Variants in PPP2R2B observed in about 807,000 individuals in gnomAD.
PPP2R2B encodes the protein protein phosphatase 2 regulatory subunit Bbeta.
A neutral mutation model predicts 46.0 loss-of-function variants in PPP2R2B; 5 were observed. The observed-to-expected ratio is 0.11, with a 90% confidence interval of 0.06 to 0.23. The LOEUF (loss-of-function observed/expected upper bound fraction) is 0.23, where lower values mean the gene tolerates loss of function less well. Ranked by LOEUF, PPP2R2B falls within the 10% of genes least tolerant of loss-of-function variation. PPP2R2B has a pLI of 1.00. For missense variants in PPP2R2B, 367 were observed against 575.0 expected, an observed-to-expected ratio of 0.64 and a Z score of 3.70; for synonymous variants, 215 against 206.7, an observed-to-expected ratio of 1.04 and a Z score of -0.34.
intron 5 of PPP2R2B, among the ~76,000 whole-genome samples, chr5:146,678,103 T>A (rs1012950715): frequency 6.6e-6 from 1 of 152,136 alleles, no homozygotes; most frequent in Non-Finnish European, 1.5e-5. Context: ...GGAGGCCAGG[T>A]AACATGGTGG....
At chr5:147,048,863 G>A (rs2151901261) in intron 1 of PPP2R2B, among the ~76,000 whole-genome samples, 1 of 152,188 alleles carries the variant, frequency 6.6e-6, no homozygotes. Context: ...TTAATATGTG[G>A]GAGAAACTGT....
At chr5:146,621,557 T>C (rs574899259) in intron 7 of PPP2R2B, among the ~76,000 whole-genome samples, 1 of 152,274 alleles carries the variant, frequency 6.6e-6, no homozygotes, top group Non-Finnish European at 1.5e-5. Flanking sequence ...AACCGCTGGT[T>C]TGGGCTTCAT....
At chr5:146,837,120 G>T (rs1007756173) in intron 2 of PPP2R2B, among the ~76,000 whole-genome samples, 3 of 152,174 alleles carry the variant, frequency 2.0e-5, no homozygotes, top group African/African-American at 7.2e-5. Flanking sequence ...TCAACTTTAC[G>T]ATGATGCAAA....
At chr5:146,774,543 G>A (rs1024135749) in intron 2 of PPP2R2B, among the ~76,000 whole-genome samples, 1 of 152,048 alleles carries the variant, frequency 6.6e-6, no homozygotes, top group Non-Finnish European at 1.5e-5. Context: ...AAGGCTGGGT[G>A]TGGTGACTCA....
At position 147,020,203 on chromosome 5, in the gene PPP2R2B, C is replaced by G. The variant is rs1313667707; in HGVS notation, c.79+35462G>C. ...AATAAATCCTGTGACACATTCAATTCCCTCTTGGTATTTGATCCTGGAGAA... is the reference window on the plus strand; with the variant it reads ...AATAAATCCTGTGACACATTCAATTGCCTCTTGGTATTTGATCCTGGAGAA... On this transcript the variant is annotated intron_variant, in intron 1 of 8. Coordinates refer to the PPP2R2B transcript ENST00000336640. Among the ~76,000 whole-genome samples the G allele has an allele frequency of 2.0e-5, 3 of 152,144 alleles. No individual in the cohort carries two copies. In the Middle Eastern group the frequency reaches 0.01, roughly 517 times the overall value.
At chr5:146,813,265 C>T (rs990653779) in intron 2 of PPP2R2B, among the ~76,000 whole-genome samples, 44 of 151,928 alleles carry the variant, frequency 2.9e-4, no homozygotes, top group African/African-American at 1.1e-3. Context: ...CACACAAACA[C>T]ACATACCTCA....
chr5:146,936,611 C>T (rs1352709716), intron 1 of PPP2R2B, among the ~76,000 whole-genome samples: 3 of 149,028 alleles, frequency 2.0e-5, no homozygotes, highest in African/African-American at 7.4e-5. Flanking sequence ...AACAGAACCT[C>T]TCTGTACAGA....
intron 2 of PPP2R2B, among the ~76,000 whole-genome samples, chr5:146,797,160 T>C (rs1756590820): frequency 6.6e-6 from 1 of 152,188 alleles, no homozygotes; most frequent in Admixed American, 6.5e-5. Context: ...TACATACCCC[T>C]TTTCAGCTAT....
chr5:147,008,954 C>T (rs576098829), intron 1 of PPP2R2B, among the ~76,000 whole-genome samples: 1 of 152,264 alleles, frequency 6.6e-6, no homozygotes, highest in Non-Finnish European at 1.5e-5. Context: ...CCTTAGATTG[C>T]ACCGTTTGGG....
intron 7 of PPP2R2B, among the ~76,000 whole-genome samples, chr5:146,615,224 C>A (rs1463648341): frequency 6.2e-5 from 4 of 64,900 alleles, no homozygotes; most frequent in Non-Finnish European, 2.8e-5. Flanking sequence ...AAATTGGAAA[C>A]CATCATTCTC....
At chr5:146,933,044 C>T (rs913680705) in intron 1 of PPP2R2B, among the ~76,000 whole-genome samples, 12 of 152,184 alleles carry the variant, frequency 7.9e-5, no homozygotes, top group Non-Finnish European at 1.6e-4. Context: ...GGAATTATAT[C>T]ATATGCTGTT....
At chr5:146,908,690 A>C (rs1763081912) in intron 1 of PPP2R2B, among the ~76,000 whole-genome samples, 1 of 151,998 alleles carries the variant, frequency 6.6e-6, no homozygotes, top group South Asian at 2.1e-4. Flanking sequence ...AACTTCCCAA[A>C]GGCCCTACAC....
intron 2 of PPP2R2B, among the ~76,000 whole-genome samples, chr5:146,877,045 T>C (rs1761935014): frequency 6.6e-6 from 1 of 152,236 alleles, no homozygotes; most frequent in Non-Finnish European, 1.5e-5. Context: ...GATATTACAA[T>C]GTGATAATGC....
intron 6 of PPP2R2B, among the ~76,000 whole-genome samples, chr5:146,640,075 G>A (rs1231607952): frequency 6.6e-6 from 1 of 152,268 alleles, no homozygotes; most frequent in African/African-American, 2.4e-5. Context: ...TTTTAGTCCC[G>A]CTAGCACTAA....
At chr5:146,995,854 A>T (rs1457866206) in intron 1 of PPP2R2B, among the ~76,000 whole-genome samples, 1 of 152,228 alleles carries the variant, frequency 6.6e-6, no homozygotes, top group Non-Finnish European at 1.5e-5. Context: ...TAGAGGTAGC[A>T]GGAATAATTT....
chr5:146,918,583 T>G (rs758031158), intron 1 of PPP2R2B, among the ~76,000 whole-genome samples: 28 of 152,258 alleles, frequency 1.8e-4, no homozygotes, highest in Non-Finnish European at 3.2e-4. Context: ...ACATAGTTTA[T>G]GAGACTCTCT....
intron 2 of PPP2R2B, among the ~76,000 whole-genome samples, chr5:146,835,755 T>A (rs1395410494): frequency 2.6e-5 from 4 of 152,140 alleles, no homozygotes; most frequent in Non-Finnish European, 4.4e-5. Flanking sequence ...TGTACAGATA[T>A]CGGTAAAGGA....
chr5:146,981,527 T>G (rs1582541847), intron 1 of PPP2R2B, among the ~76,000 whole-genome samples: 2 of 152,160 alleles, frequency 1.3e-5, no homozygotes, highest in East Asian at 3.8e-4. Context: ...AATTAAATAT[T>G]TTTTCCTTTG....
At chr5:146,670,750 C>T (rs1777304825) in intron 5 of PPP2R2B, among the ~76,000 whole-genome samples, 1 of 152,068 alleles carries the variant, frequency 6.6e-6, no homozygotes, top group South Asian at 2.1e-4. Context: ...CATGCCTGGC[C>T]TCCTAAAGTA....
Sources: gnomAD v4.1 joint callset for allele counts (sites outside exome capture counted in the v4.1 genomes callset) on GRCh38, gnomAD v4.1.1 for gene constraint, MANE v1.5 for transcripts, NCBI Gene and HGNC (gene_info 2026-07-23, HGNC 2026-07-21) for gene names.